Variants in RFTN2 observed in about 807,000 individuals in gnomAD.
RFTN2 encodes raftlin family member 2.
In RFTN2, 34 loss-of-function variants were observed where a neutral mutation model predicts 52.7. The ratio of observed to expected loss-of-function variants is 0.64; its 90% CI spans 0.49 to 0.86. RFTN2 has a LOEUF of 0.86. Among genes scored for constraint, RFTN2 ranks in the 40% least tolerant of loss-of-function variants. The pLI is 0.00. For synonymous variants in RFTN2, 203 were observed against 217.7 expected, an observed-to-expected ratio of 0.93 and a Z score of 0.59; for missense variants, 536 against 600.1, an observed-to-expected ratio of 0.89 and a Z score of 1.12.
chr2:197,640,620 C>A (rs1215298083), intron 3 of RFTN2, among the ~76,000 whole-genome samples: 1 of 152,226 alleles, frequency 6.6e-6, no homozygotes, highest in Admixed American at 6.5e-5. Flanking sequence ...ACCCACTGAC[C>A]TGCGCCCACT....
At chr2:197,633,484 C>T (rs551713258) in intron 4 of RFTN2, among the ~76,000 whole-genome samples, 4 of 152,126 alleles carry the variant, frequency 2.6e-5, no homozygotes, top group Non-Finnish European at 5.9e-5. Flanking sequence ...ATCTTCAACA[C>T]AAAGTTTCAT....
intron 8 of RFTN2, among the ~76,000 whole-genome samples, chr2:197,591,270 C>G (rs886316072): frequency 6.6e-6 from 1 of 152,166 alleles, no homozygotes; most frequent in Admixed American, 6.5e-5. Context: ...TATTCACAAT[C>G]CCTTAGCTAG....
Position 197,617,791 on chromosome 2 carries a change from G to A in RFTN2, c.1050+9C>T. The A allele has an allele frequency of 2.1e-6, 3 of 1,420,440 alleles. No individual in the cohort carries two copies. Among genetic ancestry groups the A allele is most frequent in the East Asian group, 2.6e-5 (1 of 37,746 alleles). The allele number at this position is 1,420,440 out of a possible 1,614,324, so 88.0% of individuals were successfully genotyped here. ...TGTAAAGCTAAATTGTCAGAAAACT[G>A]CAGCTCACCTCAATAACAGTCCATT... On this transcript the variant is annotated intron_variant, in intron 6 of 8. Transcript: ENST00000295049.
At chr2:197,637,338 T>A (rs1003688271) in intron 3 of RFTN2, among the ~76,000 whole-genome samples, 6 of 152,224 alleles carry the variant, frequency 3.9e-5, no homozygotes, top group African/African-American at 1.2e-4. Context: ...CTTGTACCTC[T>A]GGTAGAATTC....
At chr2:197,603,084 G>A (rs78162282) in intron 7 of RFTN2, among the ~76,000 whole-genome samples, 2 of 152,204 alleles carry the variant, frequency 1.3e-5, no homozygotes, top group African/African-American at 4.8e-5. Flanking sequence ...GGGGTGCAGG[G>A]AGTGGGGAGA....
intron 1 of RFTN2, among the ~76,000 whole-genome samples, chr2:197,650,075 A>G (rs1295725287): frequency 6.6e-6 from 1 of 151,998 alleles, no homozygotes; most frequent in African/African-American, 2.4e-5. Flanking sequence ...ATTTCATGTC[A>G]TGTATGTTTT....
chr2:197,650,742 G>A lies in RFTN2; in HGVS notation c.140-4076C>T, dbSNP rs971528337. Among the ~76,000 whole-genome samples, 7 of 152,258 alleles carry A rather than the reference G, an allele frequency of 4.6e-5. No homozygotes were observed. In the East Asian group the frequency reaches 1.2e-3, roughly 25 times the overall value. On this transcript the variant is annotated intron_variant, in intron 1 of 8. Transcript: ENST00000295049. The stretch of plus-strand genomic sequence containing the variant: ...CCTCTTGACTATTGTGAATAATGTT[G>A]CTATTAATATGGGTGTGTAAATATA...
chr2:197,664,616 A>G (rs2089025190), intron 1 of RFTN2, among the ~76,000 whole-genome samples: 1 of 151,806 alleles, frequency 6.6e-6, no homozygotes, highest in African/African-American at 2.4e-5. Flanking sequence ...ACAAAATTAC[A>G]AAAATTACAA....
chr2:197,608,589 C>T (rs979473047), intron 7 of RFTN2, among the ~76,000 whole-genome samples: 2 of 146,988 alleles, frequency 1.4e-5, no homozygotes, highest in Non-Finnish European at 3.0e-5. Flanking sequence ...GATAGGATTA[C>T]AGGCATGAGC....
At chr2:197,600,259 C>G (rs1193160625) in intron 7 of RFTN2, among the ~76,000 whole-genome samples, 1 of 152,160 alleles carries the variant, frequency 6.6e-6, no homozygotes, top group African/African-American at 2.4e-5. Context: ...GATAAAACAG[C>G]AAACATGGAG....
rs888834692 is a variant in RFTN2, at chr2:197,570,769, A to G, written c.*1239T>C. ...AAAACCCCCAAACCAAACATATTAT[A>G]TGAATATTTGTGTTCAATAAAACAA... is the stretch of plus-strand genomic sequence containing the variant. On this transcript the variant is annotated 3_prime_UTR_variant, in exon 9 of 9. Transcript: ENST00000295049. 4 of 152,228 alleles carry G rather than the reference A, an allele frequency of 2.6e-5. No homozygotes were observed. Among genetic ancestry groups the G allele is most frequent in the African/African-American group, 9.6e-5 (4 of 41,468 alleles). 9.4% of individuals were successfully genotyped at this position (152,228 alleles called of 1,614,324 possible).
chr2:197,585,011 G>A (rs960284852), intron 8 of RFTN2, among the ~76,000 whole-genome samples: 1 of 152,076 alleles, frequency 6.6e-6, no homozygotes, highest in African/African-American at 2.4e-5. Flanking sequence ...TACCCCAACT[G>A]CCGTCCACCT....
At position 197,646,565 on chromosome 2, in the gene RFTN2, G is replaced by T; in HGVS notation, c.241C>A (p.Pro81Thr). The T allele has an allele frequency of 6.2e-7, 1 of 1,613,518 alleles. No individual in the cohort carries two copies. Among genetic ancestry groups the T allele is most frequent in the Non-Finnish European group, 8.5e-7 (1 of 1,179,450 alleles). Residue 81 changes from proline (P) to threonine (T), a missense_variant, in exon 2 of 9, where the codon CCT (proline) becomes ACT (threonine). Transcript: ENST00000295049. Reference protein sequence around the residue: ...LKGYIVGAIHPVIQPVGQRKH... With the variant: ...LKGYIVGAIHTVIQPVGQRKH... ...CGCTGCCCCACAGGTTGTATAACAGGATGAATAGCCCCGACAATATATCCT... is the reference window on the plus strand; with the variant it reads ...CGCTGCCCCACAGGTTGTATAACAGTATGAATAGCCCCGACAATATATCCT...
intron 8 of RFTN2, among the ~76,000 whole-genome samples, chr2:197,584,197 G>A (rs1342085411): frequency 2.6e-5 from 4 of 152,134 alleles, no homozygotes; most frequent in African/African-American, 7.2e-5. Context: ...CTGAGGAATC[G>A]CCACACTGTC....
At chr2:197,597,361 C>A (rs1015865909) in intron 7 of RFTN2, among the ~76,000 whole-genome samples, 1 of 152,058 alleles carries the variant, frequency 6.6e-6, no homozygotes, top group Non-Finnish European at 1.5e-5. Flanking sequence ...AGCATGTGTA[C>A]AGAAAAAGCT....
chr2:197,587,896 C>T (rs895370515), intron 8 of RFTN2: 1 of 429,928 alleles, frequency 2.3e-6, no homozygotes, highest in African/African-American at 2.1e-5. Flanking sequence ...CTTCAGTCCC[C>T]TTATTCTACA....
intron 8 of RFTN2, among the ~76,000 whole-genome samples, chr2:197,584,929 A>G (rs2087571959): frequency 6.6e-6 from 1 of 152,168 alleles, no homozygotes; most frequent in African/African-American, 2.4e-5. Context: ...CTGGACGATC[A>G]GTTCTTGTTA....
At position 197,649,549 on chromosome 2, in the gene RFTN2, A is replaced by C. The variant is rs571274222; in HGVS notation, c.140-2883T>G. Among the ~76,000 whole-genome samples, 113 of 152,304 alleles carry C rather than the reference A, an allele frequency of 7.4e-4. 1 individual carries two copies. Among genetic ancestry groups the C allele is most frequent in the African/African-American group, 2.6e-3 (110 of 41,566 alleles). The stretch of plus-strand genomic sequence containing the variant: ...CACATGAGCTTGTGGGCTTGGGAGT[A>C]CTTCTGGATACTGCTGGCCTTGCTG... On this transcript the variant is annotated intron_variant, in intron 1 of 8. Transcript: ENST00000295049.
Position 197,590,611 on chromosome 2 carries a change from G to A in RFTN2, c.1233+5380C>T, listed in dbSNP as rs564731800. Among the ~76,000 whole-genome samples the A allele has an allele frequency of 1.2e-3, 185 of 152,330 alleles. 1 individual carries two copies. Among genetic ancestry groups the A allele is most frequent in the Admixed American group, 2.1e-3 (32 of 15,302 alleles). ...GTGAAGCCACGGACTCTCACGGTGAGTGTTATGGTTCTTAAAGGCGGCGTG... is the reference window on the plus strand; with the variant it reads ...GTGAAGCCACGGACTCTCACGGTGAATGTTATGGTTCTTAAAGGCGGCGTG... On this transcript the variant is annotated intron_variant, in intron 8 of 8. Coordinates refer to ENST00000295049, the MANE Select transcript of RFTN2 (RefSeq NM_144629.3).
Sources: allele counts gnomAD v4.1 joint callset (sites outside exome capture counted in the v4.1 genomes callset), GRCh38; gene constraint gnomAD v4.1.1; transcripts MANE v1.5; gene names NCBI Gene and HGNC (gene_info 2026-07-23, HGNC 2026-07-21).